Variants in SPART observed in about 807,000 individuals in gnomAD.
SPART encodes the protein spastic paraplegia 20 (Troyer syndrome).
SPART carries 35 observed loss-of-function variants against 58.7 expected under a neutral mutation model. The observed-to-expected ratio is 0.60, with a 90% CI of 0.46 to 0.79. SPART has a LOEUF of 0.79. Ranked by LOEUF, SPART falls within the 30% of genes least tolerant of loss-of-function variation. SPART has a pLI of 0.00. For synonymous variants in SPART, 284 were observed against 280.7 expected (o/e 1.01, Z -0.12); for missense variants, 730 against 786.1 (o/e 0.93, Z 0.85).
intron 5 of SPART, 91 bp downstream of exon 5, chr13:36,326,484 T>C (rs1882944139): frequency 3.3e-6 from 5 of 1,503,824 alleles, no homozygotes; most frequent in Non-Finnish European, 4.6e-6. Flanking sequence ...CAAAATATTA[T>C]CTTTCTCAGT....
At chr13:36,310,995 G>T (rs1243796494) in intron 8 of SPART, among the ~76,000 whole-genome samples, 2 of 152,080 alleles carry the variant, frequency 1.3e-5, no homozygotes, top group Non-Finnish European at 2.9e-5. Context: ...TGGTTGTGCT[G>T]CCTTCTCTGT....
At chr13:36,347,793 T>G (rs1885239409), upstream of SPART, among the ~76,000 whole-genome samples, 2 of 152,144 alleles carry the variant, frequency 1.3e-5, no homozygotes, top group South Asian at 4.1e-4. Context: ...TTATTATAAA[T>G]TAACATTTTA....
intron 1 of SPART, chr13:36,336,426 C>G (rs1387590785): frequency 2.0e-5 from 3 of 152,386 alleles, no homozygotes; most frequent in Non-Finnish European, 2.9e-5. Context: ...AGGCACTTCA[C>G]AGAAGAAAAT....
At chr13:36,326,971 T>G (rs1273524316) in intron 4 of SPART, among the ~76,000 whole-genome samples, 2 of 152,148 alleles carry the variant, frequency 1.3e-5, no homozygotes, top group Non-Finnish European at 2.9e-5. Context: ...TAAATTGACT[T>G]TTTTCTTTTC....
upstream of SPART, among the ~76,000 whole-genome samples, chr13:36,349,500 A>G (rs1041501989): frequency 6.6e-6 from 1 of 152,154 alleles, no homozygotes; most frequent in African/African-American, 2.4e-5. Flanking sequence ...CCAGTACCAG[A>G]AGGATGTGGT....
chr13:36,317,125 C>CAT (rs1269102439), intron 5 of SPART, among the ~76,000 whole-genome samples: 2 of 152,054 alleles, frequency 1.3e-5, no homozygotes, highest in African/African-American at 4.8e-5. Context: ...TTCCCTTGAC[C>CAT]TTTAATCATT....
Position 36,302,656 on chromosome 13 carries a change from T to C in SPART, c.*1709A>G, listed in dbSNP as rs1880099491. The C allele has an allele frequency of 1.3e-5, 2 of 152,186 alleles. No homozygotes were observed. Among genetic ancestry groups the C allele is most frequent in the Non-Finnish European group, 2.9e-5 (2 of 68,030 alleles). 9.4% of individuals were successfully genotyped at this position (152,186 alleles called of 1,614,324 possible). Reference sequence around the variant, plus strand: ...TAGGTGTATATATTTATGGGATACATGAGATATTTTGATACAGGTATGCGA... The same window carrying C: ...TAGGTGTATATATTTATGGGATACACGAGATATTTTGATACAGGTATGCGA... On this transcript the variant is annotated 3_prime_UTR_variant, in exon 9 of 9. Transcript: ENST00000438666.
intron 2 of SPART, 132 bp from the exon 3 acceptor site, chr13:36,331,728 T>TA (rs1423300698): frequency 5.9e-6 from 4 of 679,848 alleles, no homozygotes; most frequent in Non-Finnish European, 9.7e-6. Context: ...TAAAAGGCTT[T>TA]AAGAAACATC....
At chr13:36,314,510 A>T in intron 5 of SPART, 89 bp from the exon 6 acceptor site, 1 of 1,316,750 alleles carries the variant, frequency 7.6e-7, no homozygotes, top group South Asian at 1.2e-5. Context: ...AGAAAAAAAT[A>T]AAAGGAGTTT....
intron 2 of SPART, among the ~76,000 whole-genome samples, chr13:36,332,433 G>A (rs1365047916): frequency 1.3e-5 from 2 of 152,166 alleles, no homozygotes; most frequent in African/African-American, 2.4e-5. Context: ...GAACCTGGGA[G>A]GTGGAAGTTG....
chr13:36,328,626 A>C (rs1458232029), intron 4 of SPART, among the ~76,000 whole-genome samples: 1 of 152,238 alleles, frequency 6.6e-6, no homozygotes, highest in Non-Finnish European at 1.5e-5. Context: ...CAAGAAATTT[A>C]AACTTTTTCC....
At chr13:36,319,456 A>C (rs1348989788) in intron 5 of SPART, among the ~76,000 whole-genome samples, 1 of 151,716 alleles carries the variant, frequency 6.6e-6, no homozygotes, top group Non-Finnish European at 1.5e-5. Context: ...GCATGCTTTA[A>C]AAAGATTAAA....
At chr13:36,323,906 G>A (rs1288813050) in intron 5 of SPART, among the ~76,000 whole-genome samples, 7 of 152,188 alleles carry the variant, frequency 4.6e-5, no homozygotes, top group Non-Finnish European at 1.0e-4. Flanking sequence ...TCCTCTGAGT[G>A]TTACCAGAAC....
intron 4 of SPART, among the ~76,000 whole-genome samples, chr13:36,328,493 T>A (rs1176301126): frequency 1.3e-5 from 2 of 152,200 alleles, no homozygotes; most frequent in Admixed American, 6.5e-5. Flanking sequence ...CTGCTTCCCA[T>A]ACCACTCATC....
chr13:36,321,662 A>AT (rs1254689694), intron 5 of SPART, among the ~76,000 whole-genome samples: 1 of 150,090 alleles, frequency 6.7e-6, no homozygotes, highest in African/African-American at 2.5e-5. Context: ...TCTCCATATC[A>AT]CCCCCCAAAA....
At chr13:36,317,070 G>A (rs547179633) in intron 5 of SPART, among the ~76,000 whole-genome samples, 32 of 152,026 alleles carry the variant, frequency 2.1e-4, no homozygotes, top group Non-Finnish European at 7.3e-5. Context: ...CGTTTTATCC[G>A]TGGACCCAAA....
intron 1 of SPART, among the ~76,000 whole-genome samples, chr13:36,356,410 C>T (rs897928104): frequency 5.9e-5 from 9 of 152,216 alleles, no homozygotes; most frequent in Admixed American, 4.6e-4. Flanking sequence ...ACATGATAAA[C>T]ATTTTACAAC....
intron 1 of SPART, among the ~76,000 whole-genome samples, chr13:36,357,147 G>A (rs1402369070): frequency 6.6e-6 from 1 of 152,142 alleles, no homozygotes; most frequent in Non-Finnish European, 1.5e-5. Flanking sequence ...TTGGAGTGAG[G>A]CAGAGCGTGG....
intron 1 of SPART, 113 bp from the exon 2 acceptor site, chr13:36,335,945 T>C: frequency 1.2e-6 from 1 of 848,986 alleles, no homozygotes; most frequent in Non-Finnish European, 1.9e-6. Context: ...ATCTCTGTTT[T>C]GTTCACTATT....
Sources: gnomAD v4.1 joint callset for allele counts (sites outside exome capture counted in the v4.1 genomes callset) on GRCh38, gnomAD v4.1.1 for gene constraint, MANE v1.5 for transcripts, NCBI Gene and HGNC (gene_info 2026-07-23, HGNC 2026-07-21) for gene names.